The following HERC1 variants were observed in gnomAD, a reference collection of about 807,000 sequenced individuals.
The protein encoded by HERC1 is probable E3 ubiquitin-protein ligase HERC1.
In HERC1, 160 loss-of-function variants were observed where a neutral mutation model predicts 554.3. The observed-to-expected ratio is 0.29, with a 90% CI of 0.25 to 0.33. The LOEUF is 0.33. Among genes scored for constraint, HERC1 ranks in the 10% least tolerant of loss-of-function variants. The probability of loss-of-function intolerance (pLI) is 1.00; values close to 1 mark genes in which losing one functional copy is unlikely to be tolerated. For synonymous variants in HERC1, 2,175 were observed against 2,131.7 expected (o/e 1.02, Z -0.56); for missense variants, 4,919 against 5,918.5 (o/e 0.83, Z 5.54).
At chr15:63,731,168 T>A (rs2140977744) in intron 14 of HERC1, among the ~76,000 whole-genome samples, 1 of 152,304 alleles carries the variant, frequency 6.6e-6, no homozygotes, top group South Asian at 2.1e-4. Context: ...ACTCCTCTAT[T>A]TTTAGATGTT....
intron 42 of HERC1, among the ~76,000 whole-genome samples, chr15:63,665,170 G>C (rs575671896): frequency 6.6e-6 from 1 of 152,096 alleles, no homozygotes; most frequent in Non-Finnish European, 1.5e-5. Context: ...ACTTAAAGGG[G>C]CATCTTCTAC....
In HERC1 at chr15:63,734,715, A is replaced by C. The variant is rs772319761; in HGVS notation, c.2646+9T>G. 1 of 1,527,370 alleles carries C rather than the reference A, an allele frequency of 6.5e-7. No individual in the cohort carries two copies. The highest frequency in any genetic ancestry group is 1.3e-5 in the South Asian group (1 of 76,632). 94.6% of individuals were successfully genotyped at this position (1,527,370 alleles called of 1,614,324 possible). A position where few individuals can be genotyped will look rare whatever the true frequency, so the allele number is the denominator to read the frequency against. On this transcript the variant is annotated intron_variant, in intron 13 of 77. Transcript: ENST00000443617. The surrounding 1 kb of genome is among the most constrained non-coding windows in gnomAD (Gnocchi z 4.6). ...TACTGGTTTACTTACACAGCAAGCA[A>C]AGGCCTACCTGTCCTTTAGATAAGC...
At chr15:63,764,277 C>A in intron 2 of HERC1, 86 bp from the exon 3 acceptor site, 1 of 859,048 alleles carries the variant, frequency 1.2e-6, no homozygotes, top group African/African-American at 1.7e-5. Context: ...AAAAACAACA[C>A]CTATTTGAAG....
chr15:63,721,791 A>G (rs951581085), intron 19 of HERC1, among the ~76,000 whole-genome samples: 2 of 152,196 alleles, frequency 1.3e-5, no homozygotes, highest in Admixed American at 6.5e-5. Flanking sequence ...CATCGTTAAA[A>G]AAACAAAGGA....
intron 6 of HERC1, 123 bp from the exon 7 acceptor site, chr15:63,754,771 C>T: frequency 1.0e-6 from 1 of 960,358 alleles, no homozygotes; most frequent in Non-Finnish European, 1.5e-6. Context: ...TAATGCAATG[C>T]AATATGAAAA....
At chr15:63,764,212 G>C in intron 2 of HERC1, 21 bp from the exon 3 acceptor site, 1 of 1,534,716 alleles carries the variant, frequency 6.5e-7, no homozygotes, top group Non-Finnish European at 9.0e-7. Context: ...AACATTGCGG[G>C]ACACAGCGTA....
chr15:63,661,012 C>T lies in HERC1; in HGVS notation c.9184G>A (p.Ala3062Thr). 6.2e-7 allele frequency: 1 copy of T among 1,612,106 alleles called. No individual in the cohort carries two copies. The highest frequency in any genetic ancestry group is 8.5e-7 in the Non-Finnish European group (1 of 1,178,260). The change falls in exon 46 of 78, where the codon GCT (alanine) becomes ACT (threonine). Residue 3062 changes from alanine (A) to threonine (T), a missense_variant. Around this residue, in one of 11 missense-constraint regions of HERC1, gnomAD observed 1,963 missense variants for 2,228.6 expected, o/e 0.88. Coordinates refer to ENST00000443617, the MANE Select transcript of HERC1 (RefSeq NM_003922.4). ...TCTTGCTTGCCAATTAGATCTGGAGCTTGTCCCTTGTACCTGCACCAAACA... is the reference window on the plus strand; with the variant it reads ...TCTTGCTTGCCAATTAGATCTGGAGTTTGTCCCTTGTACCTGCACCAAACA... ...STSSERYKGQAPDLIGKQDSV... is the reference protein window; with the variant it reads ...STSSERYKGQTPDLIGKQDSV...
At position 63,727,571 on chromosome 15, in the gene HERC1, G is replaced by GA; in HGVS notation, c.3346+75dup. ...GCCTTAGGATAGATAGACTCCAATG[G>GA]AAAAACACAGTGATGTGTGCAAGAG... On this transcript the variant is annotated intron_variant, in intron 17 of 77. Coordinates refer to ENST00000443617, the MANE Select transcript of HERC1 (RefSeq NM_003922.4). This position sits in a 1 kb window ranked among gnomAD's most constrained non-coding sequence, Gnocchi z 4.3. 1.9e-6 allele frequency: 2 copies of GA among 1,055,968 alleles called. No individual in the cohort carries two copies. Among genetic ancestry groups the GA allele is most frequent in the Non-Finnish European group, 2.8e-6 (2 of 725,020 alleles). 65.4% of individuals were successfully genotyped at this position (1,055,968 alleles called of 1,614,324 possible). A position where few individuals can be genotyped will look rare whatever the true frequency, so the allele number is the denominator to read the frequency against.
chr15:63,707,959 A>T (rs62012361), intron 24 of HERC1, among the ~76,000 whole-genome samples: 4 of 145,672 alleles, frequency 2.7e-5, no homozygotes, highest in South Asian at 2.1e-4. Context: ...AAAAAGAAGA[A>T]GTGACAAAAC....
intron 14 of HERC1, 71 bp downstream of exon 14, chr15:63,732,853 G>A (rs2074353965): frequency 2.9e-6 from 3 of 1,034,196 alleles, no homozygotes; most frequent in East Asian, 5.2e-5. Context: ...GTGTTTAAAT[G>A]TCAAAATACC....
At chr15:63,648,326 T>A in intron 54 of HERC1, 127 bp from the exon 55 acceptor site, 2 of 900,800 alleles carry the variant, frequency 2.2e-6, no homozygotes, top group Non-Finnish European at 3.3e-6. Flanking sequence ...AATAGCTCTT[T>A]AATGCATTTA....
chr15:63,744,164 G>GTGTGTGTCTCTCTCTCTCTCTCTCTCTC, intron 12 of HERC1, among the ~76,000 whole-genome samples: 6 of 46,312 alleles, frequency 1.3e-4, no homozygotes, highest in South Asian at 6.3e-4. Context: ...GTGTGTGTGT[G>GTGTGTGTCTCTCTCTCTCTCTCTCTCTC]TCTCTCTCTC....
At chr15:63,822,041 G>A (rs975807602) in intron 1 of HERC1, among the ~76,000 whole-genome samples, 6 of 152,106 alleles carry the variant, frequency 3.9e-5, no homozygotes, top group African/African-American at 1.4e-4. Context: ...CTCTCTACAG[G>A]GGTGAAGTCT....
Position 63,698,768 on chromosome 15 carries a change from G to C in HERC1, c.4865C>G (p.Ala1622Gly), listed in dbSNP as rs753631931. 14 of 1,613,734 alleles carry C rather than the reference G, an allele frequency of 8.7e-6. No homozygotes were observed. In the Admixed American group the frequency reaches 1.3e-4, roughly 15 times the overall value. The change falls in exon 26 of 78, where the codon GCC becomes GGC. Residue 1622 changes from alanine (A) to glycine (G), a missense_variant. Transcript: ENST00000443617. ...CTGCTGTTCCATTGCAATGATGGAG[G>C]CCTGGGGACTTGTAGACATACTTTC... ...PEESMSTSPQASIIAMEQQQL... is the reference protein window; with the variant it reads ...PEESMSTSPQGSIIAMEQQQL...
At chr15:63,798,742 T>C (rs988053336) in intron 1 of HERC1, among the ~76,000 whole-genome samples, 2 of 152,164 alleles carry the variant, frequency 1.3e-5, no homozygotes, top group African/African-American at 4.8e-5. Flanking sequence ...ACCTAGACCA[T>C]CATAGTGTTT....
intron 25 of HERC1, 28 bp from the exon 26 acceptor site, chr15:63,699,024 C>A: frequency 1.9e-6 from 3 of 1,566,324 alleles, no homozygotes; most frequent in South Asian, 1.2e-5. Context: ...AAACATATAT[C>A]AATGGCAATC....
At chr15:63,621,111 T>C (rs1173735120) in intron 74 of HERC1, among the ~76,000 whole-genome samples, 1 of 151,988 alleles carries the variant, frequency 6.6e-6, no homozygotes, top group Admixed American at 6.6e-5. Flanking sequence ...CAATTTGGCA[T>C]GTTTTTGCAG....
At chr15:63,721,218 A>G (rs2073804186) in intron 19 of HERC1, among the ~76,000 whole-genome samples, 1 of 152,160 alleles carries the variant, frequency 6.6e-6, no homozygotes, top group African/African-American at 2.4e-5. Context: ...GAATGAATGA[A>G]TAAATGATTA....
Position 63,729,562 on chromosome 15 carries a change from GA to G in HERC1, c.2955del (p.His986MetfsTer65). ...TTCTGTAGTGAACATAGCAGTTCAT[GA>G]AGATGAGCAGGCTGACTGTTTTCTG... Reference protein sequence around the residue: ...SSSENSQPAHLHELLCSLQKQ... With the variant: ...SSSENSQPAHXHELLCSLQKQ... On this transcript the variant is annotated frameshift_variant, in exon 15 of 78. Coordinates refer to ENST00000443617, the MANE Select transcript of HERC1 (RefSeq NM_003922.4). LOFTEE classifies it high-confidence loss of function. 6.2e-7 allele frequency: 1 copy of G among 1,613,718 alleles called. No individual in the cohort carries two copies.
Sources: allele counts gnomAD v4.1 joint callset (sites outside exome capture counted in the v4.1 genomes callset), GRCh38; gene constraint gnomAD v4.1.1; regional missense constraint gnomAD v4.1.1; non-coding constraint Gnocchi (gnomAD v3.1); transcripts MANE v1.5; gene names NCBI Gene and HGNC (gene_info 2026-07-23, HGNC 2026-07-21).